RAI1: variants seen among roughly 807,000 people sequenced by gnomAD.
The protein encoded by RAI1 is retinoic acid induced 1.
Under a neutral mutation model 123.8 loss-of-function variants are expected in RAI1, and 9 were observed. That is an observed-to-expected ratio of 0.07 (90% CI 0.04 to 0.13). The LOEUF is 0.13. Ranked by LOEUF, RAI1 falls within the 10% of genes least tolerant of loss-of-function variation. The probability of loss-of-function intolerance (pLI) is 1.00; values close to 1 mark genes in which losing one functional copy is unlikely to be tolerated. For synonymous variants in RAI1, 1,231 were observed against 1,127.3 expected, an observed-to-expected ratio of 1.09 and a Z score of -1.84; for missense variants, 2,256 against 2,545.8, an observed-to-expected ratio of 0.89 and a Z score of 2.45.
chr17:17,790,733 C>T (rs571596950), intron 2 of RAI1, among the ~76,000 whole-genome samples: 79 of 152,362 alleles, frequency 5.2e-4, no homozygotes, highest in African/African-American at 1.8e-3. Context: ...TGCAGATATA[C>T]GAGGCGCAGC....
chr17:17,717,949 C>T (rs1228270545), intron 1 of RAI1, among the ~76,000 whole-genome samples: 3 of 152,180 alleles, frequency 2.0e-5, no homozygotes, highest in South Asian at 4.1e-4. Context: ...ATGGGATGGC[C>T]TCCTGCAGTC....
rs1030000925 is a variant in RAI1, at chr17:17,779,861, G to GC, written c.-16-13066dup. ...GCGATCTTGGCTCACTGCAGGCTCC[G>GC]CCCCCCGGGGTTCACGCCATTCTCC... On this transcript the variant is annotated intron_variant, in intron 2 of 5. Transcript: ENST00000353383. 1.7e-4 allele frequency among the ~76,000 whole-genome samples: 24 copies of GC among 142,396 alleles called. No homozygotes were observed. The South Asian group carries it at 5.0e-3, about 29-fold the overall frequency. The allele number at this position is 142,396 out of a possible 152,430, so 93.4% of individuals were successfully genotyped here.
chr17:17,777,696 T>C (rs1211620095), intron 2 of RAI1: 1 of 152,216 alleles, frequency 6.6e-6, no homozygotes, highest in African/African-American at 2.4e-5. Flanking sequence ...TGTGGGGAAT[T>C]ACCAAGGGGA....
At chr17:17,760,473 G>T (rs1445988314) in intron 2 of RAI1, among the ~76,000 whole-genome samples, 1 of 152,184 alleles carries the variant, frequency 6.6e-6, no homozygotes, top group African/African-American at 2.4e-5. Context: ...GGAACTCCTG[G>T]ATGCCGAGGG....
Position 17,803,736 on chromosome 17 carries a change from C to T in RAI1, c.5566-20C>T. On this transcript the variant is annotated intron_variant, in intron 3 of 5. Coordinates refer to ENST00000353383, the MANE Select transcript of RAI1 (RefSeq NM_030665.4). ...GGGCTCCAACTGGAGACTCACCTGC[C>T]TTTCCTTTCTCTTCATCAGATGTGT... 6.2e-7 allele frequency: 1 copy of T among 1,609,062 alleles called. No homozygotes were observed. Among genetic ancestry groups the T allele is most frequent in the Non-Finnish European group, 8.5e-7 (1 of 1,175,868 alleles).
intron 2 of RAI1, among the ~76,000 whole-genome samples, chr17:17,791,113 G>A (rs1056654753): frequency 1.3e-5 from 2 of 152,244 alleles, no homozygotes; most frequent in African/African-American, 2.4e-5. Flanking sequence ...CCGGTGGGCA[G>A]GGGCTCGCCT....
At chr17:17,750,629 G>A (rs2030118362) in intron 2 of RAI1, among the ~76,000 whole-genome samples, 1 of 146,524 alleles carries the variant, frequency 6.8e-6, no homozygotes, top group South Asian at 2.2e-4. Flanking sequence ...GCTGAGGCAG[G>A]AGAATCGCTT....
intron 1 of RAI1, among the ~76,000 whole-genome samples, chr17:17,706,044 AAAAG>A (rs963038134): frequency 7.9e-5 from 12 of 151,488 alleles, no homozygotes; most frequent in African/African-American, 2.2e-4. Flanking sequence ...AAAAAAAAAA[AAAAG>A]GCAACAAAAA....
chr17:17,796,641 G>A lies in RAI1; in HGVS notation c.3693G>A (p.Pro1231=), dbSNP rs753643062. Residue 1231 remains proline, a synonymous_variant, in exon 3 of 6, where the codon CCG becomes CCA. Transcript: ENST00000353383. The surrounding 1 kb of genome is among the most constrained non-coding windows in gnomAD (Gnocchi z 5.8). ...ALKRKSAFMA[P]VPTKKRNLVL... is the part of the protein sequence containing the mutation. ...AAAGGAAGTCGGCCTTCATGGCGCC[G>A]GTCCCCACCAAGAAGCGGAACCTGG... 1.1e-5 allele frequency: 18 copies of A among 1,611,896 alleles called. No individual in the cohort carries two copies. The highest frequency in any genetic ancestry group is 6.7e-5 in the African/African-American group (5 of 74,868).
At position 17,796,570 on chromosome 17, in the gene RAI1, C is replaced by T; in HGVS notation, c.3622C>T (p.Pro1208Ser). ...RVSQRARVPK[P>S]GAGSKLSDRP... ...GAGCCAGCGGGCAAGGGTCCCCAAACCTGGTGCAGGCAGCAAGCTCTCTGA... is the reference window on the plus strand; with the variant it reads ...GAGCCAGCGGGCAAGGGTCCCCAAATCTGGTGCAGGCAGCAAGCTCTCTGA... The change falls in exon 3 of 6, where the codon CCT becomes TCT. Residue 1208 changes from proline to serine, a missense_variant. Physicochemically the swap from Pro to Ser is moderately conservative, Grantham distance 74. Transcript: ENST00000353383. This position sits in a 1 kb window ranked among gnomAD's most constrained non-coding sequence, Gnocchi z 5.8. 1 of 1,611,528 alleles carries T rather than the reference C, an allele frequency of 6.2e-7. No individual in the cohort carries two copies. Among genetic ancestry groups the T allele is most frequent in the Non-Finnish European group, 8.5e-7 (1 of 1,179,996 alleles).
chr17:17,783,947 G>A (rs2031724124), intron 2 of RAI1, among the ~76,000 whole-genome samples: 1 of 152,154 alleles, frequency 6.6e-6, no homozygotes, highest in Non-Finnish European at 1.5e-5. Context: ...TACTCCACCA[G>A]CTGACTTGGA....
chr17:17,728,791 G>C (rs76444726), intron 2 of RAI1, among the ~76,000 whole-genome samples: 2 of 152,156 alleles, frequency 1.3e-5, no homozygotes, highest in African/African-American at 2.4e-5. Context: ...AGGTCATGCA[G>C]CCAGGAGTTG....
intron 2 of RAI1, among the ~76,000 whole-genome samples, chr17:17,755,986 G>A (rs893060289): frequency 1.3e-5 from 2 of 152,302 alleles, no homozygotes; most frequent in East Asian, 1.9e-4. Flanking sequence ...TGCGGCCCTC[G>A]GTGCACCCAG....
chr17:17,691,392 T>G (rs576050897), intron 1 of RAI1, among the ~76,000 whole-genome samples: 2 of 152,286 alleles, frequency 1.3e-5, no homozygotes, highest in Middle Eastern at 3.4e-3. Context: ...CCCTGCCCGT[T>G]TGAAGCATAG....
At chr17:17,710,140 A>T (rs1490635989) in intron 1 of RAI1, among the ~76,000 whole-genome samples, 2 of 152,210 alleles carry the variant, frequency 1.3e-5, no homozygotes, top group African/African-American at 4.8e-5. Flanking sequence ...GGTCACGTGC[A>T]CTTTCACACA....
At chr17:17,791,317 C>T (rs781171126) in intron 2 of RAI1, among the ~76,000 whole-genome samples, 2 of 152,352 alleles carry the variant, frequency 1.3e-5, no homozygotes, top group South Asian at 2.1e-4. Flanking sequence ...CATCCATCCC[C>T]AGACACTAAA....
At chr17:17,792,912 C>T (rs763722087) in intron 2 of RAI1, 21 bp from the exon 3 acceptor site, 4 of 1,429,198 alleles carry the variant, frequency 2.8e-6, no homozygotes, top group Non-Finnish European at 3.9e-6. Context: ...TCCCTCCCTC[C>T]CTTCCTTTTT....
At chr17:17,762,081 CGT>C (rs1161603293) in intron 2 of RAI1, among the ~76,000 whole-genome samples, 2 of 152,172 alleles carry the variant, frequency 1.3e-5, no homozygotes, top group African/African-American at 4.8e-5. Context: ...ATTGGGCATG[CGT>C]GTGTCTGCTG....
chr17:17,722,713 C>G (rs1270246839), intron 1 of RAI1, among the ~76,000 whole-genome samples: 2 of 152,210 alleles, frequency 1.3e-5, no homozygotes, highest in Admixed American at 1.3e-4. Flanking sequence ...GGCGTCTCCC[C>G]CAGCTGGGGA....
Sources: allele counts gnomAD v4.1 joint callset (sites outside exome capture counted in the v4.1 genomes callset), GRCh38; gene constraint gnomAD v4.1.1; non-coding constraint Gnocchi (gnomAD v3.1); transcripts MANE v1.5; gene names NCBI Gene and HGNC (gene_info 2026-07-23, HGNC 2026-07-21).